Variants in MCU observed in about 807,000 individuals in gnomAD.
MCU encodes the protein calcium uniporter protein, mitochondrial.
MCU carries 12 observed loss-of-function variants against 45.2 expected under a neutral mutation model. That is an observed-to-expected ratio of 0.27 (90% CI 0.17 to 0.43). The LOEUF (loss-of-function observed/expected upper bound fraction) is 0.43. Among genes scored for constraint, MCU ranks in the 20% least tolerant of loss-of-function variants. The probability of loss-of-function intolerance (pLI) is 1.00; values close to 1 mark genes in which losing one functional copy is unlikely to be tolerated. For synonymous variants in MCU, 160 were observed against 165.1 expected (o/e 0.97, Z 0.24); for missense variants, 324 against 436.7 (o/e 0.74, Z 2.30).
At chr10:72,757,197 T>G (rs1249336418) in intron 1 of MCU, among the ~76,000 whole-genome samples, 1 of 151,984 alleles carries the variant, frequency 6.6e-6, no homozygotes, top group African/African-American at 2.4e-5. Flanking sequence ...GAGGGAAAAT[T>G]ATAATGCAGA....
At chr10:72,805,894 A>G (rs1824404187) in intron 1 of MCU, among the ~76,000 whole-genome samples, 3 of 152,204 alleles carry the variant, frequency 2.0e-5, no homozygotes, top group Non-Finnish European at 4.4e-5. Context: ...AGAGCATTTC[A>G]TAAGGGATTT....
chr10:72,877,791 G>T (rs531629756), intron 6 of MCU, among the ~76,000 whole-genome samples: 2 of 152,286 alleles, frequency 1.3e-5, no homozygotes, highest in African/African-American at 4.8e-5. Flanking sequence ...AGCCACACTT[G>T]TTAGCCTAGA....
rs557549209 is a variant in MCU at position 72,767,562 on chromosome 10, G to A, written c.151-66797G>A. Among the ~76,000 whole-genome samples, 5 of 151,910 alleles carry A rather than the reference G, an allele frequency of 3.3e-5. No homozygotes were observed. In the South Asian group the frequency reaches 8.4e-4, roughly 25 times the overall value. On this transcript the variant is annotated intron_variant, in intron 1 of 7. Transcript: ENST00000373053. The stretch of plus-strand genomic sequence containing the variant: ...GAGGTCTCACTATGTTGCTTGGGTT[G>A]GTCTTGAACCCCTGGGCTCAAGTGA...
At chr10:72,757,522 G>A (rs1039220848) in intron 1 of MCU, among the ~76,000 whole-genome samples, 1 of 152,124 alleles carries the variant, frequency 6.6e-6, no homozygotes, top group Admixed American at 6.5e-5. Context: ...GAGCCTGTGT[G>A]TCAGTGCTAA....
chr10:72,809,213 C>A (rs1310611881), intron 1 of MCU, among the ~76,000 whole-genome samples: 1 of 152,080 alleles, frequency 6.6e-6, no homozygotes, highest in Non-Finnish European at 1.5e-5. Context: ...ATGCATTAGC[C>A]CTTTGTCACC....
chr10:72,697,064 A>G (rs556967318), intron 1 of MCU, among the ~76,000 whole-genome samples: 1 of 152,266 alleles, frequency 6.6e-6, no homozygotes, highest in East Asian at 1.9e-4. Context: ...TTTATTCTAT[A>G]TTAAGATTTT....
chr10:72,819,413 G>A (rs1343918145), intron 1 of MCU, among the ~76,000 whole-genome samples: 3 of 152,092 alleles, frequency 2.0e-5, no homozygotes, highest in Non-Finnish European at 4.4e-5. Context: ...ACCCCAACAT[G>A]CTAAATACTC....
chr10:72,885,887 C>T lies in MCU; in HGVS notation c.*65C>T. 2.2e-6 allele frequency: 3 copies of T among 1,341,986 alleles called. No individual in the cohort carries two copies. The highest frequency in any genetic ancestry group is 3.2e-6 in the Non-Finnish European group (3 of 937,422). 83.1% of individuals were successfully genotyped at this position (1,341,986 alleles called of 1,614,324 possible). A position where few individuals can be genotyped will look rare whatever the true frequency, so the allele number is the denominator to read the frequency against. On this transcript the variant is annotated 3_prime_UTR_variant, in exon 8 of 8. Transcript: ENST00000373053. ...GTTTGCCTTTTTAATTAAAGCATTG[C>T]AGGTGGAAGCTGGGAGCCATGTGGG... is the stretch of plus-strand genomic sequence containing the variant.
chr10:72,822,746 C>CG (rs1385199178), intron 1 of MCU, among the ~76,000 whole-genome samples: 1 of 151,844 alleles, frequency 6.6e-6, no homozygotes, highest in Admixed American at 6.6e-5. Flanking sequence ...AGGCCAAGGC[C>CG]GGAGGATTGC....
chr10:72,866,558 A>G lies in MCU; in HGVS notation c.497-2145A>G, dbSNP rs570223300. On this transcript the variant is annotated intron_variant, in intron 4 of 7. Transcript: ENST00000373053. The stretch of plus-strand genomic sequence containing the variant: ...ATTACAGGCATGCACCACCACGCCC[A>G]GCTAATTTTTGTATTTTTAGTAGAG... 3.3e-5 allele frequency among the ~76,000 whole-genome samples: 5 copies of G among 152,080 alleles called. No individual in the cohort carries two copies. In the East Asian group the frequency reaches 9.7e-4, roughly 29 times the overall value.
chr10:72,718,465 A>G (rs1181215741), intron 1 of MCU, among the ~76,000 whole-genome samples: 1 of 152,222 alleles, frequency 6.6e-6, no homozygotes, highest in Non-Finnish European at 1.5e-5. Context: ...TCCTACGTCA[A>G]TAAGTTTTTT....
intron 4 of MCU, among the ~76,000 whole-genome samples, chr10:72,861,206 T>G (rs1025305477): frequency 1.3e-5 from 2 of 152,014 alleles, no homozygotes; most frequent in Non-Finnish European, 2.9e-5. Flanking sequence ...TTTTTCTTTT[T>G]GTAGAGATGA....
At chr10:72,835,607 T>G (rs1844945182) in intron 2 of MCU, among the ~76,000 whole-genome samples, 1 of 152,186 alleles carries the variant, frequency 6.6e-6, no homozygotes, top group African/African-American at 2.4e-5. Context: ...TACGTGAATT[T>G]ATAGACAGTG....
intron 1 of MCU, among the ~76,000 whole-genome samples, chr10:72,734,193 C>G (rs1827418177): frequency 6.6e-6 from 1 of 152,080 alleles, no homozygotes; most frequent in Non-Finnish European, 1.5e-5. Flanking sequence ...CTGCAGTGAG[C>G]TATGATTGAG....
intron 2 of MCU, among the ~76,000 whole-genome samples, chr10:72,839,234 C>T (rs1410255365): frequency 6.6e-6 from 1 of 152,174 alleles, no homozygotes; most frequent in African/African-American, 2.4e-5. Flanking sequence ...AGGTGATCCA[C>T]CCACCTCAGT....
intron 7 of MCU, 45 bp downstream of exon 7, chr10:72,884,427 T>C (rs1248821304): frequency 7.4e-6 from 8 of 1,075,280 alleles, no homozygotes; most frequent in Non-Finnish European, 1.1e-5. Flanking sequence ...CTATCTTGCA[T>C]GGTTATTATT....
At position 72,887,641 on chromosome 10, in the gene MCU, T is replaced by C. The variant is rs1845794591; in HGVS notation, c.*1819T>C. The C allele has an allele frequency of 6.5e-6, 1 of 152,722 alleles. No individual in the cohort carries two copies. Among genetic ancestry groups the C allele is most frequent in the Admixed American group, 6.5e-5 (1 of 15,274 alleles). The allele number at this position is 152,722 out of a possible 1,614,324, so 9.5% of individuals were successfully genotyped here. ...AAAATCCTGTATCATTTATGAAATA[T>C]GTATAAAAAGCAATGTACCTTCTGG... On this transcript the variant is annotated 3_prime_UTR_variant, in exon 8 of 8. Coordinates refer to ENST00000373053, the MANE Select transcript of MCU (RefSeq NM_138357.3).
intron 1 of MCU, among the ~76,000 whole-genome samples, chr10:72,830,316 A>G (rs991857562): frequency 1.3e-5 from 2 of 152,242 alleles, no homozygotes; most frequent in Non-Finnish European, 2.9e-5. Context: ...CCATGTATTA[A>G]TGTGGTTCAC....
intron 1 of MCU, among the ~76,000 whole-genome samples, chr10:72,745,389 G>A (rs181207935): frequency 2.4e-4 from 37 of 152,030 alleles, no homozygotes; most frequent in Non-Finnish European, 4.7e-4. Flanking sequence ...CTACCACACC[G>A]GCTGGTTTTT....
Sources: allele counts gnomAD v4.1 joint callset (sites outside exome capture counted in the v4.1 genomes callset), GRCh38; gene constraint gnomAD v4.1.1; transcripts MANE v1.5; gene names NCBI Gene and HGNC (gene_info 2026-07-23, HGNC 2026-07-21).